EHF: variants seen among roughly 807,000 people sequenced by gnomAD.
EHF encodes the protein ETS homologous factor.
A neutral mutation model predicts 45.1 loss-of-function variants in EHF; 14 were observed. That is an observed-to-expected ratio of 0.31 (90% CI 0.21 to 0.49). EHF has a LOEUF of 0.49. Among genes scored for constraint, EHF ranks in the 20% least tolerant of loss-of-function variants. The pLI, the probability that EHF is intolerant of heterozygous loss-of-function variation, is 0.99. For missense variants in EHF, 282 were observed against 371.4 expected (o/e 0.76, Z 1.98); for synonymous variants, 136 against 131.8 (o/e 1.03, Z -0.22).
At chr11:34,651,094 T>TA (rs1361506700) in intron 4 of EHF, among the ~76,000 whole-genome samples, 1 of 151,810 alleles carries the variant, frequency 6.6e-6, no homozygotes, top group East Asian at 1.9e-4. Context: ...CTGAAAGAAA[T>TA]ATCATTAACC....
chr11:34,632,668 A>C (rs1565025631), intron 1 of EHF: 6 of 1,535,422 alleles, frequency 3.9e-6, no homozygotes, highest in Admixed American at 3.9e-5. Flanking sequence ...TCATTCTCAA[A>C]TGCCAGAGAG....
intron 6 of EHF, among the ~76,000 whole-genome samples, chr11:34,654,714 TACA>T (rs1398338648): frequency 6.6e-6 from 1 of 152,214 alleles, no homozygotes; most frequent in Non-Finnish European, 1.5e-5. Context: ...ATTTCATGTG[TACA>T]TATATGTGCA....
chr11:34,658,217 T>A (rs1010233431), intron 7 of EHF, among the ~76,000 whole-genome samples: 2 of 152,124 alleles, frequency 1.3e-5, no homozygotes, highest in African/African-American at 4.8e-5. Flanking sequence ...TAGAAGAAAC[T>A]TCCCCCTGGC....
At chr11:34,646,056 G>C (rs1200362921) in intron 2 of EHF, among the ~76,000 whole-genome samples, 1 of 151,378 alleles carries the variant, frequency 6.6e-6, no homozygotes. Flanking sequence ...GTGTGTGTGT[G>C]TGTGTGTGTG....
intron 1 of EHF, among the ~76,000 whole-genome samples, chr11:34,639,071 C>A (rs12366193): frequency 0.23 from 35,681 of 151,978 alleles, 5,146 homozygotes; most frequent in East Asian, 0.49. Flanking sequence ...AACAAATACT[C>A]CCCCGCAACC....
chr11:34,623,315 A>T (rs1019500679), intron 1 of EHF, among the ~76,000 whole-genome samples: 2 of 152,008 alleles, frequency 1.3e-5, no homozygotes, highest in Non-Finnish European at 2.9e-5. Context: ...TGAACTCCTG[A>T]CCTCAGGTGA....
intron 3 of EHF, among the ~76,000 whole-genome samples, chr11:34,647,086 C>CT (rs1768755959): frequency 6.7e-6 from 1 of 149,256 alleles, no homozygotes; most frequent in Non-Finnish European, 1.5e-5. Flanking sequence ...AAAACAAAAC[C>CT]CCCCCCACAC....
Position 34,660,006 on chromosome 11 carries a change from G to A in EHF, c.*1075G>A, listed in dbSNP as rs1253535005. ...ATTTGCCCTTGATTGAGAACCACCA[G>A]TTTAGCTAGTCAATATGAGGATGGT... is the stretch of plus-strand genomic sequence containing the variant. On this transcript the variant is annotated 3_prime_UTR_variant, in exon 9 of 9. Coordinates refer to ENST00000257831, the MANE Select transcript of EHF (RefSeq NM_012153.6). The A allele has an allele frequency of 6.6e-6, 1 of 152,124 alleles. No homozygotes were observed. Among genetic ancestry groups the A allele is most frequent in the East Asian group, 1.9e-4 (1 of 5,196 alleles). 9.4% of individuals were successfully genotyped at this position (152,124 alleles called of 1,614,324 possible).
At chr11:34,647,253 G>T (rs991199892) in intron 3 of EHF, among the ~76,000 whole-genome samples, 1 of 152,076 alleles carries the variant, frequency 6.6e-6, no homozygotes, top group East Asian at 1.9e-4. Context: ...TAAAAAAAGG[G>T]TTAGAACATA....
In EHF at chr11:34,662,057, C is replaced by T. The variant is rs537570332; in HGVS notation, c.*3126C>T. ...TGAGTTTTCCTTTGAACACATTGGT[C>T]TTTTCTCAAAGTTCCTGCCTTGCTA... On this transcript the variant is annotated 3_prime_UTR_variant, in exon 9 of 9. Transcript: ENST00000257831. Among the ~76,000 whole-genome samples, 2 of 152,218 alleles carry T rather than the reference C, an allele frequency of 1.3e-5. No individual in the cohort carries two copies. The highest frequency in any genetic ancestry group is 4.1e-4 in the South Asian group (2 of 4,820).
chr11:34,648,460 C>CATAA (rs1402204535), intron 3 of EHF, among the ~76,000 whole-genome samples: 2 of 152,034 alleles, frequency 1.3e-5, no homozygotes, highest in Non-Finnish European at 2.9e-5. Flanking sequence ...TGTGCTGAGG[C>CATAA]ATAAATAAGG....
At chr11:34,649,149 G>A (rs922537373) in intron 4 of EHF, 68 bp downstream of exon 4, 4 of 1,550,716 alleles carry the variant, frequency 2.6e-6, no homozygotes, top group Middle Eastern at 2.0e-4. Flanking sequence ...GTTGGGAGAG[G>A]GCAAGAGAGA....
At chr11:34,642,486 A>G (rs1854106192) in intron 1 of EHF, 142 bp from the exon 2 acceptor site, 1 of 572,970 alleles carries the variant, frequency 1.7e-6, no homozygotes, top group South Asian at 2.4e-5. Flanking sequence ...TTTACAAAAA[A>G]CGCTTTGGCA....
At chr11:34,654,672 A>C (rs763648116) in intron 6 of EHF, among the ~76,000 whole-genome samples, 26 of 152,168 alleles carry the variant, frequency 1.7e-4, no homozygotes, top group Non-Finnish European at 3.4e-4. Flanking sequence ...GGACTGCTGC[A>C]TGGGCCACAG....
chr11:34,646,029 T>G (rs1374523818), intron 2 of EHF, among the ~76,000 whole-genome samples: 2 of 27,468 alleles, frequency 7.3e-5, no homozygotes, highest in Non-Finnish European at 1.1e-4. Flanking sequence ...AGTTTGGTGG[T>G]GTGTGTGTGT....
chr11:34,653,717 T>A (rs1237570101), intron 6 of EHF, among the ~76,000 whole-genome samples: 2 of 152,224 alleles, frequency 1.3e-5, no homozygotes, highest in Non-Finnish European at 2.9e-5. Flanking sequence ...GAATAGTTTA[T>A]AGTCTCTACT....
intron 7 of EHF, 137 bp from the exon 8 acceptor site, chr11:34,658,396 T>C: frequency 1.5e-6 from 1 of 672,232 alleles, no homozygotes; most frequent in Non-Finnish European, 2.5e-6. Flanking sequence ...CTGGTGATTC[T>C]GCGATCCATC....
At chr11:34,626,744 G>A (rs1362064614) in intron 1 of EHF, among the ~76,000 whole-genome samples, 1 of 152,184 alleles carries the variant, frequency 6.6e-6, no homozygotes, top group Non-Finnish European at 1.5e-5. Context: ...TATCTGAAGG[G>A]GTAGGAGGCT....
rs531950996 is a variant in EHF, at chr11:34,626,000, C to A, written c.-4+4772C>A. On this transcript the variant is annotated intron_variant, in intron 1 of 8. Coordinates refer to ENST00000257831, the MANE Select transcript of EHF (RefSeq NM_012153.6). Reference sequence around the variant, plus strand: ...AACAAAGCCAAAAATAAAAAGAAACCAAAATGCCTATTATAGTAGTTGGAT... The same window carrying A: ...AACAAAGCCAAAAATAAAAAGAAACAAAAATGCCTATTATAGTAGTTGGAT... Among the ~76,000 whole-genome samples the A allele has an allele frequency of 7.2e-5, 11 of 152,252 alleles. No homozygotes were observed. In the South Asian group the frequency reaches 1.2e-3, roughly 17 times the overall value.
Sources: allele counts gnomAD v4.1 joint callset (sites outside exome capture counted in the v4.1 genomes callset), GRCh38; gene constraint gnomAD v4.1.1; transcripts MANE v1.5; gene names NCBI Gene and HGNC (gene_info 2026-07-23, HGNC 2026-07-21).